The following RYR2 variants were observed in gnomAD, a reference collection of about 807,000 sequenced individuals.
The protein encoded by RYR2 is ryanodine receptor 2, also known as cardiac muscle ryanodine receptor-calcium release channel.
RYR2 carries 227 observed loss-of-function variants against 601.1 expected under a neutral mutation model. The observed-to-expected ratio is 0.38, with a 90% confidence interval of 0.34 to 0.42. The LOEUF (loss-of-function observed/expected upper bound fraction) is 0.42, where lower values mean the gene tolerates loss of function less well. Ranked by LOEUF, RYR2 falls within the 10% of genes least tolerant of loss-of-function variation. RYR2 has a pLI of 1.00. For missense variants in RYR2, 4,646 were observed against 6,156.5 expected (o/e 0.75, Z 8.21); for synonymous variants, 2,223 against 2,175.1 (o/e 1.02, Z -0.61).
intron 38 of RYR2, among the ~76,000 whole-genome samples, chr1:237,618,136 T>G (rs1007176433): frequency 7.2e-5 from 11 of 152,178 alleles, no homozygotes; most frequent in Non-Finnish European, 1.3e-4. Flanking sequence ...CATTTTCTTC[T>G]CTATCCAGGG....
At chr1:237,070,490 T>C (rs1385522457) in intron 1 of RYR2, among the ~76,000 whole-genome samples, 1 of 152,180 alleles carries the variant, frequency 6.6e-6, no homozygotes, top group Admixed American at 6.5e-5. Flanking sequence ...AAAGTGCTGG[T>C]GTCACAGGAT....
At chr1:237,333,494 C>T (rs564661160) in intron 3 of RYR2, 82 of 402,664 alleles carry the variant, frequency 2.0e-4, no homozygotes, top group Non-Finnish European at 3.8e-4. Context: ...CGGGGGGTGT[C>T]CTGGAGGACC....
At chr1:237,568,328 G>A (rs759061895) in intron 28 of RYR2, among the ~76,000 whole-genome samples, 5 of 152,110 alleles carry the variant, frequency 3.3e-5, no homozygotes, top group East Asian at 1.9e-4. Context: ...GTAACGTACC[G>A]ATTCACAATG....
intron 94 of RYR2, 45 bp from the exon 95 acceptor site, chr1:237,793,822 C>A: frequency 6.9e-7 from 1 of 1,445,272 alleles, no homozygotes; most frequent in South Asian, 1.2e-5. Context: ...CAAGATATGC[C>A]AGTAAATCTA....
intron 2 of RYR2, among the ~76,000 whole-genome samples, chr1:237,322,587 A>T (rs1695727215): frequency 1.3e-5 from 2 of 152,168 alleles, no homozygotes; most frequent in Admixed American, 6.5e-5. Context: ...CTCCCTAGAG[A>T]CAACACTGTT....
chr1:237,699,131 T>A, intron 64 of RYR2, 106 bp downstream of exon 64: 2 of 599,194 alleles, frequency 3.3e-6, no homozygotes, highest in Non-Finnish European at 5.6e-6. Flanking sequence ...TCTTTGGATT[T>A]GTAATAAAGT....
At chr1:237,467,667 T>C (rs1490755042) in intron 16 of RYR2, among the ~76,000 whole-genome samples, 1 of 152,164 alleles carries the variant, frequency 6.6e-6, no homozygotes, top group East Asian at 1.9e-4. Context: ...GTTTCTTTTC[T>C]TACTCTCAGG....
chr1:237,345,052 G>A (rs770223720), intron 3 of RYR2, among the ~76,000 whole-genome samples: 18 of 152,096 alleles, frequency 1.2e-4, no homozygotes, highest in South Asian at 1.0e-3. Flanking sequence ...CTCGTGATCC[G>A]CCCACTTCGG....
At chr1:237,520,523 A>T (rs1041103320) in intron 24 of RYR2, among the ~76,000 whole-genome samples, 11 of 152,158 alleles carry the variant, frequency 7.2e-5, no homozygotes, top group African/African-American at 2.7e-4. Flanking sequence ...AGCGATGCTG[A>T]ATTTTATCAA....
chr1:237,557,107 G>T (rs1670984401), intron 27 of RYR2, among the ~76,000 whole-genome samples: 2 of 152,096 alleles, frequency 1.3e-5, no homozygotes, highest in South Asian at 4.1e-4. Context: ...GTTGGCTAAA[G>T]AACTCGCTTC....
intron 2 of RYR2, among the ~76,000 whole-genome samples, chr1:237,301,156 A>G (rs1397861781): frequency 6.6e-6 from 1 of 152,152 alleles, no homozygotes; most frequent in Non-Finnish European, 1.5e-5. Context: ...TAGTTAATTA[A>G]CAGACTTTAA....
chr1:237,266,825 G>GCTA (rs1558524338), intron 1 of RYR2, among the ~76,000 whole-genome samples: 43 of 151,766 alleles, frequency 2.8e-4, no homozygotes, highest in African/African-American at 1.0e-3. Flanking sequence ...ATTGAAAGCT[G>GCTA]TAGCTATAGC....
intron 2 of RYR2, among the ~76,000 whole-genome samples, chr1:237,286,675 T>C (rs12729955): frequency 0.8 from 121,452 of 150,938 alleles, 48,971 homozygotes; most frequent in South Asian, 0.92. Flanking sequence ...TCCACCCCTT[T>C]ACTTTAAGTT....
At chr1:237,686,276 T>C (rs907898146) in intron 62 of RYR2, among the ~76,000 whole-genome samples, 3 of 152,200 alleles carry the variant, frequency 2.0e-5, no homozygotes, top group African/African-American at 7.2e-5. Flanking sequence ...GGGTGAGTGC[T>C]GGCTGGGTAG....
rs1168761850 is a variant in RYR2 at position 237,106,108 on chromosome 1, G to T, written c.48+63539G>T. Among the ~76,000 whole-genome samples the T allele has an allele frequency of 1.3e-5, 2 of 152,160 alleles. No homozygotes were observed. Among genetic ancestry groups the T allele is most frequent in the Non-Finnish European group, 2.9e-5 (2 of 68,028 alleles). On this transcript the variant is annotated intron_variant, in intron 1 of 104. Transcript: ENST00000366574. This position sits in a 1 kb window ranked among gnomAD's most constrained non-coding sequence, Gnocchi z 4.4. ...GGTGGAGGAGGCCTTGAGGGCTGTT[G>T]AGAGGACTGGGCTCTTGCTATTACT...
At chr1:237,458,971 A>G (rs1385604169) in intron 16 of RYR2, among the ~76,000 whole-genome samples, 1 of 152,224 alleles carries the variant, frequency 6.6e-6, no homozygotes, top group Non-Finnish European at 1.5e-5. Flanking sequence ...CTAAAAGGTG[A>G]CATGCGGCTG....
At chr1:237,659,091 CA>C (rs1683523977) in intron 54 of RYR2, among the ~76,000 whole-genome samples, 1 of 152,090 alleles carries the variant, frequency 6.6e-6, no homozygotes, top group Non-Finnish European at 1.5e-5. Flanking sequence ...AATCAGACAC[CA>C]AAGGTTGCTT....
Position 237,114,165 on chromosome 1 carries a change from C to T in RYR2, c.48+71596C>T, listed in dbSNP as rs41390547. Among the ~76,000 whole-genome samples, 865 of 152,150 alleles carry T rather than the reference C, an allele frequency of 5.7e-3. 9 individuals are homozygous for T. The highest frequency in any genetic ancestry group is 0.02 in the African/African-American group (828 of 41,472). On this transcript the variant is annotated intron_variant, in intron 1 of 104. Transcript: ENST00000366574. ...GATTTTTTCTGGTTAGTCATTTTCA[C>T]GGGGATTAGAGAGTAGAGAAAAGTC...
chr1:237,353,511 G>GAAAAAAAAAAAAAAAA (rs61606386), intron 3 of RYR2, among the ~76,000 whole-genome samples: 1 of 52,718 alleles, frequency 1.9e-5, no homozygotes, highest in African/African-American at 5.4e-5. Context: ...TCCGTCTCAA[G>GAAAAAAAAAAAAAAAA]AAAAAAAAAA....
Sources: gnomAD v4.1 joint callset for allele counts (sites outside exome capture counted in the v4.1 genomes callset) on GRCh38, gnomAD v4.1.1 for gene constraint, Gnocchi (gnomAD v3.1) non-coding constraint, MANE v1.5 for transcripts, NCBI Gene and HGNC (gene_info 2026-07-23, HGNC 2026-07-21) for gene names.